SLC38A4: variants seen among roughly 807,000 people sequenced by gnomAD.
SLC38A4 encodes the protein solute carrier family 38 member 4.
SLC38A4 carries 20 observed loss-of-function variants against 63.1 expected under a neutral mutation model. That is an observed-to-expected ratio of 0.32 (90% CI 0.22 to 0.46). The LOEUF (loss-of-function observed/expected upper bound fraction) is 0.46, where lower values mean the gene tolerates loss of function less well. SLC38A4 is among the 20% of genes least tolerant of loss of function. The probability of loss-of-function intolerance (pLI) is 1.00; values close to 1 mark genes in which losing one functional copy is unlikely to be tolerated. For synonymous variants in SLC38A4, 230 were observed against 225.5 expected (o/e 1.02, Z -0.18); for missense variants, 526 against 663.6 (o/e 0.79, Z 2.28).
chr12:46,791,429 C>T (rs1297433502), intron 3 of SLC38A4, among the ~76,000 whole-genome samples: 1 of 152,156 alleles, frequency 6.6e-6, no homozygotes, highest in Non-Finnish European at 1.5e-5. Flanking sequence ...TCTCAGTGGC[C>T]TCTCTAGTCC....
At chr12:46,773,009 G>A (rs150322588) in intron 14 of SLC38A4, among the ~76,000 whole-genome samples, 36 of 152,026 alleles carry the variant, frequency 2.4e-4, no homozygotes, top group African/African-American at 4.8e-4. Context: ...AAGCAAAAGC[G>A]CCAATAACAA....
intron 2 of SLC38A4, among the ~76,000 whole-genome samples, 164 bp from the exon 3 acceptor site, chr12:46,793,347 A>C (rs917079786): frequency 6.6e-6 from 1 of 152,200 alleles, no homozygotes; most frequent in Admixed American, 6.5e-5. Context: ...CCAATACAAG[A>C]AAGGAAGAAA....
chr12:46,810,847 T>C lies in SLC38A4; in HGVS notation c.-304-7053A>G, dbSNP rs181209997. 4.6e-4 allele frequency among the ~76,000 whole-genome samples: 70 copies of C among 152,132 alleles called. 2 individuals are homozygous for C. The highest frequency in any genetic ancestry group is 9.0e-4 in the Non-Finnish European group (61 of 67,954). ...ATTAGCCACTAGCTAAATCTCTAGTTTGGGGTACTTAACCAGCAAACAATC... is the reference window on the plus strand; with the variant it reads ...ATTAGCCACTAGCTAAATCTCTAGTCTGGGGTACTTAACCAGCAAACAATC... On this transcript the variant is annotated intron_variant, in intron 1 of 16. Transcript: ENST00000266579.
rs1030432330 is a variant in SLC38A4, at chr12:46,765,796, A to C, written c.*905T>G. The stretch of plus-strand genomic sequence containing the variant: ...AGTTTCCTGCACTGAATGTTTATCA[A>C]ATAAAAATGTATCAAACAATACTGG... On this transcript the variant is annotated 3_prime_UTR_variant, in exon 17 of 17. Coordinates refer to ENST00000266579, the MANE Select transcript of SLC38A4 (RefSeq NM_018018.5). 6.3e-6 allele frequency: 1 copy of C among 157,948 alleles called. No homozygotes were observed. The highest frequency in any genetic ancestry group is 1.4e-5 in the Non-Finnish European group (1 of 71,414). The allele number at this position is 157,948 out of a possible 1,614,324, so 9.8% of individuals were successfully genotyped here. A position where few individuals can be genotyped will look rare whatever the true frequency, so the allele number is the denominator to read the frequency against.
intron 7 of SLC38A4, among the ~76,000 whole-genome samples, chr12:46,782,599 AATC>A (rs1295035262): frequency 1.3e-5 from 2 of 151,886 alleles, no homozygotes; most frequent in African/African-American, 2.4e-5. Flanking sequence ...AGTTTTTCAC[AATC>A]ATCATATATT....
chr12:46,817,211 T>C (rs1485375861), intron 1 of SLC38A4, among the ~76,000 whole-genome samples: 2 of 151,950 alleles, frequency 1.3e-5, no homozygotes, highest in African/African-American at 4.8e-5. Flanking sequence ...AAAAAGTTTC[T>C]AGAGTGGTTC....
intron 5 of SLC38A4, among the ~76,000 whole-genome samples, chr12:46,787,479 G>A (rs1350730134): frequency 3.9e-5 from 6 of 152,102 alleles, no homozygotes; most frequent in Non-Finnish European, 7.4e-5. Flanking sequence ...AGGTCCAATG[G>A]TGAGAGGGAA....
chr12:46,798,312 C>T (rs538322299), intron 2 of SLC38A4, among the ~76,000 whole-genome samples: 6 of 152,248 alleles, frequency 3.9e-5, no homozygotes, highest in Admixed American at 6.5e-5. Context: ...GTCTCATCTC[C>T]GTCCACACTC....
chr12:46,821,029 T>C (rs1471599104), intron 1 of SLC38A4, among the ~76,000 whole-genome samples: 2 of 152,118 alleles, frequency 1.3e-5, no homozygotes, highest in East Asian at 1.9e-4. Context: ...ATGTTATTTG[T>C]TATGTAGGTG....
intron 12 of SLC38A4, 41 bp from the exon 13 acceptor site, chr12:46,777,045 A>G (rs374819284): frequency 2.4e-5 from 36 of 1,504,756 alleles, no homozygotes; most frequent in Non-Finnish European, 3.2e-5. Context: ...TTTTAAACTT[A>G]CAAAAAAAAA....
chr12:46,790,591 A>T (rs150695594), intron 3 of SLC38A4, among the ~76,000 whole-genome samples: 2 of 152,326 alleles, frequency 1.3e-5, no homozygotes, highest in African/African-American at 4.8e-5. Flanking sequence ...TAAACTCTGG[A>T]ATCTTTATTT....
At chr12:46,779,746 A>G in intron 9 of SLC38A4, 34 bp downstream of exon 9, 1 of 1,587,038 alleles carries the variant, frequency 6.3e-7, no homozygotes, top group Non-Finnish European at 8.6e-7. Flanking sequence ...GTGAAATAAA[A>G]ATAAAAATAT....
At chr12:46,789,143 G>T (rs1467818421) in intron 3 of SLC38A4, among the ~76,000 whole-genome samples, 1 of 151,666 alleles carries the variant, frequency 6.6e-6, no homozygotes, top group Non-Finnish European at 1.5e-5. Context: ...TACCCAGGGG[G>T]AGACCCCATT....
chr12:46,815,270 TATATATATATATATACAC>T (rs1489997277), intron 1 of SLC38A4, among the ~76,000 whole-genome samples: 1,350 of 64,506 alleles, frequency 0.021, 9 homozygotes, highest in South Asian at 0.043. Flanking sequence ...TATATATATA[TATATATATATATATACAC>T]ACACACACAC....
At chr12:46,783,456 G>A (rs1938693026) in intron 7 of SLC38A4, among the ~76,000 whole-genome samples, 3 of 151,984 alleles carry the variant, frequency 2.0e-5, no homozygotes, top group African/African-American at 7.2e-5. Flanking sequence ...AGTTTATCTG[G>A]AGAACAAATT....
chr12:46,767,764 T>C (rs114127126), intron 16 of SLC38A4, among the ~76,000 whole-genome samples: 141 of 152,268 alleles, frequency 9.3e-4, no homozygotes, highest in African/African-American at 3.3e-3. Context: ...AGTAGTCTTA[T>C]GGAAAAGAAA....
intron 2 of SLC38A4, among the ~76,000 whole-genome samples, chr12:46,797,334 A>G (rs544843247): frequency 2.2e-4 from 33 of 152,230 alleles, no homozygotes; most frequent in Non-Finnish European, 3.8e-4. Context: ...CATCCTCCAA[A>G]CACTCCAGGT....
chr12:46,769,166 G>A, intron 15 of SLC38A4, 118 bp downstream of exon 15: 1 of 1,140,018 alleles, frequency 8.8e-7, no homozygotes, highest in Non-Finnish European at 1.3e-6. Context: ...CAGGGATAAA[G>A]GGAATCCATG....
rs1938285342 is a variant in SLC38A4 at position 46,765,741 on chromosome 12, G to C, written c.*960C>G. On this transcript the variant is annotated 3_prime_UTR_variant, in exon 17 of 17. Coordinates refer to ENST00000266579, the MANE Select transcript of SLC38A4 (RefSeq NM_018018.5). ...TAACATTCTGATGACTACAGAATAA[G>C]ATTATATACATAAACATATAGCAAA... 5.9e-6 allele frequency: 1 copy of C among 169,708 alleles called. No homozygotes were observed. The highest frequency in any genetic ancestry group is 1.3e-5 in the Non-Finnish European group (1 of 78,114). 10.5% of individuals were successfully genotyped at this position (169,708 alleles called of 1,614,324 possible). A position where few individuals can be genotyped will look rare whatever the true frequency, so the allele number is the denominator to read the frequency against.
Sources: allele counts gnomAD v4.1 joint callset (sites outside exome capture counted in the v4.1 genomes callset), GRCh38; gene constraint gnomAD v4.1.1; transcripts MANE v1.5; gene names NCBI Gene and HGNC (gene_info 2026-07-23, HGNC 2026-07-21).